The following DYM variants were observed in gnomAD, a reference collection of about 807,000 sequenced individuals.
DYM encodes dyggve-Melchior-Clausen syndrome protein.
In DYM, 78 loss-of-function variants were observed where a neutral mutation model predicts 93.1. The ratio of observed to expected loss-of-function variants is 0.84; its 90% CI spans 0.70 to 1.01. DYM has a LOEUF of 1.01. Among genes scored for constraint, DYM ranks in the 50% least tolerant of loss-of-function variants. DYM has a pLI of 0.00. For synonymous variants in DYM, 321 were observed against 319.7 expected (o/e 1.00, Z -0.04); for missense variants, 789 against 845.0 (o/e 0.93, Z 0.82).
At chr18:49,151,111 T>C (rs1446381830) in intron 15 of DYM, among the ~76,000 whole-genome samples, 4 of 152,162 alleles carry the variant, frequency 2.6e-5, no homozygotes, top group Admixed American at 6.5e-5. Context: ...CAAATTTCTA[T>C]CTCAGAAACT....
chr18:49,203,150 G>A (rs1422640445), intron 14 of DYM, among the ~76,000 whole-genome samples: 6 of 82,668 alleles, frequency 7.3e-5, no homozygotes, highest in East Asian at 3.5e-4. Flanking sequence ...CCCTCTGCCC[G>A]GCCAGCCGCC....
intron 2 of DYM, among the ~76,000 whole-genome samples, chr18:49,398,580 A>G (rs2148005817): frequency 6.6e-6 from 1 of 152,338 alleles, no homozygotes; most frequent in East Asian, 1.9e-4. Context: ...GCTTTGCAGA[A>G]AGAAAGACAT....
chr18:49,359,967 T>A (rs1057016715), intron 6 of DYM: 1 of 152,224 alleles, frequency 6.6e-6, no homozygotes, highest in South Asian at 2.1e-4. Context: ...ACAAACCTTC[T>A]TGTAGGATGG....
intron 1 of DYM, among the ~76,000 whole-genome samples, chr18:49,441,302 TATATAATTAA>T (rs2081572649): frequency 9.4e-5 from 4 of 42,578 alleles, no homozygotes; most frequent in East Asian, 1.0e-3. Flanking sequence ...AATATAATTA[TATATAATTAA>T]TATATAATTA....
intron 17 of DYM, among the ~76,000 whole-genome samples, chr18:49,082,841 G>A (rs951041597): frequency 1.3e-5 from 2 of 152,186 alleles, no homozygotes; most frequent in African/African-American, 4.8e-5. Flanking sequence ...TACATGTGCT[G>A]GGAGCCGACA....
chr18:49,264,994 T>A (rs542736509), intron 11 of DYM, among the ~76,000 whole-genome samples: 2 of 152,302 alleles, frequency 1.3e-5, no homozygotes, highest in South Asian at 4.1e-4. Context: ...ACCACAGGTA[T>A]GAGAGGTGGT....
chr18:49,419,742 C>T (rs1192408085), intron 2 of DYM, among the ~76,000 whole-genome samples: 7 of 152,176 alleles, frequency 4.6e-5, no homozygotes, highest in Non-Finnish European at 1.0e-4. Flanking sequence ...GACATTTTTA[C>T]AATAGTCTCC....
At chr18:49,069,203 T>A (rs2076697018) in intron 17 of DYM, among the ~76,000 whole-genome samples, 1 of 152,198 alleles carries the variant, frequency 6.6e-6, no homozygotes, top group Admixed American at 6.5e-5. Context: ...TAAACTAAAT[T>A]GTTATACACC....
intron 14 of DYM, among the ~76,000 whole-genome samples, chr18:49,176,144 A>G (rs2089344185): frequency 6.6e-6 from 1 of 152,176 alleles, no homozygotes; most frequent in Non-Finnish European, 1.5e-5. Context: ...AAGGTAACTA[A>G]AGTCAAAATG....
At chr18:49,044,644 TC>T (rs2071235032) in intron 17 of DYM, among the ~76,000 whole-genome samples, 2 of 152,196 alleles carry the variant, frequency 1.3e-5, no homozygotes, top group African/African-American at 4.8e-5. Flanking sequence ...CCCTTCACAA[TC>T]CTGAGCCCTG....
At chr18:49,386,948 T>G (rs2068687357) in intron 3 of DYM, among the ~76,000 whole-genome samples, 1 of 150,678 alleles carries the variant, frequency 6.6e-6, no homozygotes, top group African/African-American at 2.4e-5. Flanking sequence ...TTATTTACTT[T>G]TTTTTTTTTT....
intron 16 of DYM, among the ~76,000 whole-genome samples, chr18:49,097,874 GCTCTCTCTCTCTCTCTCTCT>G (rs61301668): frequency 5.0e-5 from 7 of 141,180 alleles, no homozygotes; most frequent in African/African-American, 1.3e-4. Context: ...CTTAATATTA[GCTCTCTCTCTCTCTCTCTCT>G]CTCTCTCTCT....
intron 14 of DYM, among the ~76,000 whole-genome samples, chr18:49,192,032 G>A (rs1162798586): frequency 6.6e-6 from 1 of 151,710 alleles, no homozygotes; most frequent in Non-Finnish European, 1.5e-5. Flanking sequence ...AAACACCTGG[G>A]CTCAAGCGAT....
intron 6 of DYM, among the ~76,000 whole-genome samples, chr18:49,342,450 G>A (rs1406352981): frequency 6.6e-6 from 1 of 152,162 alleles, no homozygotes; most frequent in Non-Finnish European, 1.5e-5. Flanking sequence ...AGGGATTAGA[G>A]CATGTACATC....
At chr18:49,446,019 C>A (rs1406144995) in intron 1 of DYM, among the ~76,000 whole-genome samples, 1 of 152,074 alleles carries the variant, frequency 6.6e-6, no homozygotes, top group Non-Finnish European at 1.5e-5. Context: ...GAATACCCCA[C>A]CTACCATAAC....
At chr18:49,216,677 A>G (rs2093066430) in intron 13 of DYM, among the ~76,000 whole-genome samples, 2 of 152,160 alleles carry the variant, frequency 1.3e-5, no homozygotes, top group Non-Finnish European at 2.9e-5. Flanking sequence ...ACTCCAACAG[A>G]CCTGCAGCTG....
intron 13 of DYM, among the ~76,000 whole-genome samples, chr18:49,216,164 G>A (rs899224492): frequency 2.0e-5 from 3 of 152,216 alleles, no homozygotes; most frequent in African/African-American, 4.8e-5. Context: ...ACAGCAGTCT[G>A]AGATCAAACT....
At chr18:49,169,367 G>T (rs180693564) in intron 14 of DYM, among the ~76,000 whole-genome samples, 8 of 152,328 alleles carry the variant, frequency 5.3e-5, no homozygotes. Flanking sequence ...GTTGGGCAGA[G>T]AAATACGAGT....
rs114762289 is a variant in DYM at position 49,119,817 on chromosome 18, G to A, written c.1729-891C>T. Among the ~76,000 whole-genome samples the A allele has an allele frequency of 4.0e-3, 613 of 152,224 alleles. 3 individuals carry two copies. The highest frequency in any genetic ancestry group is 0.014 in the African/African-American group (596 of 41,536). On this transcript the variant is annotated intron_variant, in intron 15 of 17. Coordinates refer to ENST00000675505, the MANE Select transcript of DYM (RefSeq NM_001353214.3). The stretch of plus-strand genomic sequence containing the variant: ...TATAGATATATCAAGGCTGGCTGTG[G>A]TGGCTCATGCCTGTAATCCCAGCAC...
Sources: gnomAD v4.1 joint callset for allele counts (sites outside exome capture counted in the v4.1 genomes callset) on GRCh38, gnomAD v4.1.1 for gene constraint, MANE v1.5 for transcripts, NCBI Gene and HGNC (gene_info 2026-07-23, HGNC 2026-07-21) for gene names.